Variants in PIWIL3 observed in about 807,000 individuals in gnomAD.
PIWIL3 encodes the protein piwi like RNA-mediated gene silencing 3.
A neutral mutation model predicts 109.7 loss-of-function variants in PIWIL3; 101 were observed. That is an observed-to-expected ratio of 0.92 (90% confidence interval 0.78 to 1.09). The LOEUF is 1.09. PIWIL3 is among the 50% of genes least tolerant of loss of function. The pLI is 0.00. For missense variants in PIWIL3, 1,031 were observed against 1,072.6 expected (o/e 0.96, Z 0.54); for synonymous variants, 373 against 376.4 (o/e 0.99, Z 0.10).
rs577407700 is a variant in PIWIL3, at chr22:24,761,930, T to C, written c.102+468A>G. The C allele has an allele frequency of 2.4e-5, 24 of 984,550 alleles. No homozygotes were observed. The African/African-American group carries it at 4.2e-4, about 17-fold the overall frequency. 61.0% of individuals were successfully genotyped at this position (984,550 alleles called of 1,614,324 possible). A position where few individuals can be genotyped will look rare whatever the true frequency, so the allele number is the denominator to read the frequency against. ...CAGTATATGGTCCCCCTGGAGGTTGTCAGATGGGGCCCCGCAGCGCCACTA... is the reference window on the plus strand; with the variant it reads ...CAGTATATGGTCCCCCTGGAGGTTGCCAGATGGGGCCCCGCAGCGCCACTA... On this transcript the variant is annotated intron_variant, in intron 2 of 20. Coordinates refer to ENST00000616349, the MANE Select transcript of PIWIL3 (RefSeq NM_001255975.1).
At chr22:24,761,606 G>A (rs540137909) in intron 2 of PIWIL3, among the ~76,000 whole-genome samples, 37 of 152,188 alleles carry the variant, frequency 2.4e-4, no homozygotes, top group Non-Finnish European at 4.4e-4. Context: ...CTAGACAGAG[G>A]ACTGGCTAAG....
At chr22:24,767,168 G>T (rs1925843605) in intron 1 of PIWIL3, among the ~76,000 whole-genome samples, 1 of 151,898 alleles carries the variant, frequency 6.6e-6, no homozygotes, top group South Asian at 2.1e-4. Context: ...CTATGGTGCA[G>T]CAGTAACTAT....
Position 24,728,534 on chromosome 22 carries a change from G to A in PIWIL3, c.1708-160C>T, listed in dbSNP as rs1569097478. On this transcript the variant is annotated intron_variant, in intron 14 of 20. Coordinates refer to ENST00000616349, the MANE Select transcript of PIWIL3 (RefSeq NM_001255975.1). ...AAGAGGGCGAAGGGTCTAGAGCCAT[G>A]TTATTAATTATAACATAATTATATC... The A allele has an allele frequency of 1.5e-5, 9 of 598,528 alleles. No individual in the cohort carries two copies. The East Asian group carries it at 2.6e-4, about 17-fold the overall frequency. The allele number at this position is 598,528 out of a possible 1,614,324, so 37.1% of individuals were successfully genotyped here. A position where few individuals can be genotyped will look rare whatever the true frequency, so the allele number is the denominator to read the frequency against.
chr22:24,767,735 G>C (rs1030868899), intron 1 of PIWIL3, among the ~76,000 whole-genome samples: 1 of 152,058 alleles, frequency 6.6e-6, no homozygotes, highest in South Asian at 2.1e-4. Flanking sequence ...ATTAAAAACA[G>C]AATTAAATCA....
At chr22:24,735,538 C>T (rs1040780968) in intron 13 of PIWIL3, among the ~76,000 whole-genome samples, 170 bp downstream of exon 13, 8 of 152,130 alleles carry the variant, frequency 5.3e-5, no homozygotes, top group Non-Finnish European at 7.4e-5. Flanking sequence ...TCTTAATAGC[C>T]GTAAACCATA....
chr22:24,754,766 T>C lies in PIWIL3; in HGVS notation c.773+18A>G, dbSNP rs754141890. On this transcript the variant is annotated intron_variant, in intron 7 of 20. Transcript: ENST00000616349. The stretch of plus-strand genomic sequence containing the variant: ...CGTTTAAGTCTGCAGAGTGTGAAAT[T>C]TTCTACTTTATACAAACCCATGACG... The C allele has an allele frequency of 1.9e-6, 3 of 1,567,942 alleles. No homozygotes were observed. The African/African-American group carries it at 4.1e-5, about 21-fold the overall frequency.
intron 12 of PIWIL3, among the ~76,000 whole-genome samples, chr22:24,748,419 A>G (rs1207664088): frequency 1.3e-5 from 2 of 152,234 alleles, no homozygotes; most frequent in Non-Finnish European, 2.9e-5. Context: ...AAAATAACTA[A>G]AAGAATATAA....
Position 24,749,715 on chromosome 22 carries a change from A to T in PIWIL3, c.1194T>A (p.Ile398=), listed in dbSNP as rs960730949. 1 of 1,614,130 alleles carries T rather than the reference A, an allele frequency of 6.2e-7. No individual in the cohort carries two copies. Among genetic ancestry groups the T allele is most frequent in the South Asian group, 1.1e-5 (1 of 91,072 alleles). ...TGTQREPILL[I]PQLCHMTGLT... Reference sequence around the variant, plus strand: ...TACCTGTCATGTGGCACAGCTGAGGAATCAGCAGGATAGGTTCACGTTGTG... The same window carrying T: ...TACCTGTCATGTGGCACAGCTGAGGTATCAGCAGGATAGGTTCACGTTGTG... Residue 398 remains isoleucine (I), a synonymous_variant, in exon 10 of 21, where the codon ATT becomes ATA. Coordinates refer to ENST00000616349, the MANE Select transcript of PIWIL3 (RefSeq NM_001255975.1).
intron 12 of PIWIL3, among the ~76,000 whole-genome samples, chr22:24,742,419 G>A (rs1269370041): frequency 6.6e-6 from 1 of 151,844 alleles, no homozygotes; most frequent in Non-Finnish European, 1.5e-5. Context: ...GATTCATATG[G>A]AACCAAAAAA....
intron 1 of PIWIL3, among the ~76,000 whole-genome samples, chr22:24,770,661 A>G (rs1243549841): frequency 3.7e-5 from 2 of 53,994 alleles, no homozygotes; most frequent in East Asian, 1.4e-3. Context: ...CGTCTCTACT[A>G]AAAAAAAAAA....
chr22:24,769,310 A>G (rs5760631), intron 1 of PIWIL3, among the ~76,000 whole-genome samples: 62,221 of 152,012 alleles, frequency 0.41, 13,131 homozygotes, highest in East Asian at 0.58. Context: ...GTTTTGGGCT[A>G]CACATAAAAT....
intron 5 of PIWIL3, 31 bp from the exon 6 acceptor site, chr22:24,755,936 C>T (rs757486911): frequency 5.5e-5 from 88 of 1,594,796 alleles, no homozygotes; most frequent in Non-Finnish European, 7.1e-5. Flanking sequence ...AAAAAAAAGT[C>T]CAGATATTCT....
In PIWIL3 at chr22:24,760,047, C is replaced by T. The variant is rs1925327484; in HGVS notation, c.103-58G>A. 3 of 1,601,116 alleles carry T rather than the reference C, an allele frequency of 1.9e-6. No individual in the cohort carries two copies. The Admixed American group carries it at 5.0e-5, about 27-fold the overall frequency. On this transcript the variant is annotated intron_variant, in intron 2 of 20. Coordinates refer to ENST00000616349, the MANE Select transcript of PIWIL3 (RefSeq NM_001255975.1). ...GTGCCCTACTGTGTTCATTCTCCCT[C>T]CAAATGGCACTCGCAGGGCACAAGG... is the stretch of plus-strand genomic sequence containing the variant.
chr22:24,724,784 C>A, intron 18 of PIWIL3, 103 bp downstream of exon 18: 1 of 1,291,264 alleles, frequency 7.7e-7, no homozygotes, highest in South Asian at 1.4e-5. Context: ...GTTGCCCAAG[C>A]TGGTCTTGAA....
chr22:24,748,264 T>C (rs2147692426), intron 12 of PIWIL3, among the ~76,000 whole-genome samples: 1 of 152,096 alleles, frequency 6.6e-6, no homozygotes, highest in South Asian at 2.1e-4. Context: ...AGTAGGATGG[T>C]TACAGAGTCT....
At position 24,762,447 on chromosome 22, in the gene PIWIL3, C is replaced by G; in HGVS notation, c.53G>C (p.Ser18Thr). 6.2e-7 allele frequency: 1 copy of G among 1,614,046 alleles called. No homozygotes were observed. Among genetic ancestry groups the G allele is most frequent in the Non-Finnish European group, 8.5e-7 (1 of 1,179,970 alleles). Residue 18 changes from serine (S) to threonine (T), a missense_variant, in exon 2 of 21, where the codon AGC (serine) becomes ACC (threonine). Coordinates refer to ENST00000616349, the MANE Select transcript of PIWIL3 (RefSeq NM_001255975.1). ...TCCCCCAGGTGCCTCTTGTTGGTAG[C>G]TCTCCCTGCGGCGGGCTCTGCCTCG... is the stretch of plus-strand genomic sequence containing the variant. ...RARGRARRRESYQQEAPGGPR... is the reference protein window; with the variant it reads ...RARGRARRRETYQQEAPGGPR...
intron 1 of PIWIL3, among the ~76,000 whole-genome samples, chr22:24,769,383 C>G (rs1487048619): frequency 6.6e-6 from 1 of 152,076 alleles, no homozygotes; most frequent in Non-Finnish European, 1.5e-5. Context: ...GAGGCCGAGG[C>G]GGGTGGATCA....
Position 24,749,271 on chromosome 22 carries a change from T to A in PIWIL3, c.1334+133A>T, listed in dbSNP as rs1924559437. 29 of 1,381,892 alleles carry A rather than the reference T, an allele frequency of 2.1e-5. No individual in the cohort carries two copies. The South Asian group carries it at 4.1e-4, about 20-fold the overall frequency. 85.6% of individuals were successfully genotyped at this position (1,381,892 alleles called of 1,614,324 possible). A position where few individuals can be genotyped will look rare whatever the true frequency, so the allele number is the denominator to read the frequency against. ...TGCAATGACAGAAAAACTAGAGTTGTCCCCCAACATCAAAATTCTTCCCAT... is the reference window on the plus strand; with the variant it reads ...TGCAATGACAGAAAAACTAGAGTTGACCCCCAACATCAAAATTCTTCCCAT... On this transcript the variant is annotated intron_variant, in intron 11 of 20. Coordinates refer to ENST00000616349, the MANE Select transcript of PIWIL3 (RefSeq NM_001255975.1).
rs769708619 is a variant in PIWIL3 at position 24,749,745 on chromosome 22, C to T, written c.1164G>A (p.Thr388=). Reference sequence around the variant, plus strand: ...GCAGGATAGGTTCACGTTGTGTACCCGTTAGGCCCTTTTTCCATCTGCCCT... The same window carrying T: ...GCAGGATAGGTTCACGTTGTGTACCTGTTAGGCCCTTTTTCCATCTGCCCT... The part of the protein sequence containing the change: ...VSQGRWKKGL[T]GTQREPILLI... Residue 388 remains threonine, a synonymous_variant, in exon 10 of 21, where the codon ACG becomes ACA. Transcript: ENST00000616349. 19 of 1,613,524 alleles carry T rather than the reference C, an allele frequency of 1.2e-5. No homozygotes were observed. The highest frequency in any genetic ancestry group is 1.7e-5 in the Admixed American group (1 of 59,936).
Sources: allele counts gnomAD v4.1 joint callset (sites outside exome capture counted in the v4.1 genomes callset), GRCh38; gene constraint gnomAD v4.1.1; transcripts MANE v1.5; gene names NCBI Gene and HGNC (gene_info 2026-07-23, HGNC 2026-07-21).